Variants in CNTN1 observed in about 807,000 individuals in gnomAD.
CNTN1 encodes the protein contactin-1.
Under a neutral mutation model 126.4 loss-of-function variants are expected in CNTN1, and 38 were observed. The observed-to-expected ratio is 0.30, with a 90% CI of 0.23 to 0.39. The LOEUF (loss-of-function observed/expected upper bound fraction) is 0.39, where lower values mean the gene tolerates loss of function less well. CNTN1 is among the 10% of genes least tolerant of loss of function. CNTN1 has a pLI of 1.00. For missense variants in CNTN1, 1,009 were observed against 1,248.4 expected, an observed-to-expected ratio of 0.81 and a Z score of 2.89; for synonymous variants, 413 against 422.6, an observed-to-expected ratio of 0.98 and a Z score of 0.28.
chr12:40,902,653 C>T (rs1047561061), intron 1 of CNTN1, among the ~76,000 whole-genome samples: 1 of 152,092 alleles, frequency 6.6e-6, no homozygotes, highest in Non-Finnish European at 1.5e-5. Flanking sequence ...GAGATGTTCT[C>T]TGTCAATGTA....
At chr12:40,962,363 A>C (rs1947133832) in intron 15 of CNTN1, among the ~76,000 whole-genome samples, 1 of 152,076 alleles carries the variant, frequency 6.6e-6, no homozygotes, top group Non-Finnish European at 1.5e-5. Flanking sequence ...AGTGTGTTTT[A>C]ATTTATTCCT....
At chr12:40,874,551 A>AT (rs1943608334) in intron 1 of CNTN1, among the ~76,000 whole-genome samples, 1 of 152,100 alleles carries the variant, frequency 6.6e-6, no homozygotes, top group African/African-American at 2.4e-5. Context: ...GACCAACTGC[A>AT]TTTTTTCTGT....
chr12:40,955,974 A>C (rs569039699), intron 14 of CNTN1, among the ~76,000 whole-genome samples: 2 of 152,132 alleles, frequency 1.3e-5, no homozygotes, highest in East Asian at 3.9e-4. Context: ...GGGGCACAGG[A>C]GTTAGGTGCA....
chr12:40,880,127 A>T (rs10879307), intron 1 of CNTN1, among the ~76,000 whole-genome samples: 9 of 152,028 alleles, frequency 5.9e-5, no homozygotes, highest in Non-Finnish European at 1.3e-4. Flanking sequence ...TGTAAATATT[A>T]TATAATAAAA....
chr12:40,899,361 C>T (rs1359455741), intron 1 of CNTN1, among the ~76,000 whole-genome samples: 1 of 152,136 alleles, frequency 6.6e-6, no homozygotes, highest in Non-Finnish European at 1.5e-5. Context: ...TCCAATAAGA[C>T]AGTCTCACAT....
At chr12:41,049,336 T>G (rs1468016220) in intron 23 of CNTN1, among the ~76,000 whole-genome samples, 1 of 152,262 alleles carries the variant, frequency 6.6e-6, no homozygotes, top group Admixed American at 6.5e-5. Context: ...GATTGCTATC[T>G]CCATTCAGAC....
chr12:40,921,002 C>G (rs970329652), intron 4 of CNTN1, among the ~76,000 whole-genome samples: 1 of 152,132 alleles, frequency 6.6e-6, no homozygotes, highest in African/African-American at 2.4e-5. Context: ...AACAAAGAAA[C>G]CCACTGTCTT....
chr12:40,857,052 C>G (rs747877369), intron 1 of CNTN1, among the ~76,000 whole-genome samples: 1 of 151,940 alleles, frequency 6.6e-6, no homozygotes, highest in Non-Finnish European at 1.5e-5. Context: ...TAGATGTCAA[C>G]GTATAATATG....
intron 4 of CNTN1, among the ~76,000 whole-genome samples, chr12:40,921,330 C>T (rs1361515433): frequency 1.3e-5 from 2 of 152,164 alleles, no homozygotes; most frequent in Admixed American, 6.6e-5. Context: ...GATTTGACCA[C>T]AGCTCTAGGC....
chr12:40,772,174 G>T (rs1939363720), intron 1 of CNTN1, among the ~76,000 whole-genome samples: 2 of 151,944 alleles, frequency 1.3e-5, no homozygotes, highest in South Asian at 4.1e-4. Flanking sequence ...ATATGGAATT[G>T]TGAATTATTC....
At position 40,758,088 on chromosome 12, in the gene CNTN1, AG is replaced by A. The variant is rs1461124204; in HGVS notation, c.-77+65497del. Among the ~76,000 whole-genome samples, 17 of 151,268 alleles carry A rather than the reference AG, an allele frequency of 1.1e-4. No individual in the cohort carries two copies. In the East Asian group the frequency reaches 2.1e-3, roughly 19 times the overall value. On this transcript the variant is annotated intron_variant, in intron 1 of 23. Transcript: ENST00000551295. The stretch of plus-strand genomic sequence containing the variant: ...TTCTTACACTTTAATTTGGTGCCTT[AG>A]AGAAAGAAATTTTTTCCACATTGTA...
chr12:40,835,127 T>C (rs2136563015), intron 1 of CNTN1, among the ~76,000 whole-genome samples: 1 of 152,342 alleles, frequency 6.6e-6, no homozygotes, highest in South Asian at 2.1e-4. Flanking sequence ...TGTTTTTGTC[T>C]ATTAAAAATG....
chr12:40,925,300 A>G (rs1945602752), intron 6 of CNTN1, among the ~76,000 whole-genome samples: 1 of 151,894 alleles, frequency 6.6e-6, no homozygotes, highest in African/African-American at 2.4e-5. Context: ...TCTCTTTGAA[A>G]CAATATATAA....
intron 20 of CNTN1, among the ~76,000 whole-genome samples, chr12:41,022,626 G>A (rs1948945633): frequency 6.6e-6 from 1 of 152,166 alleles, no homozygotes; most frequent in African/African-American, 2.4e-5. Flanking sequence ...GGAAGATGAT[G>A]ATGATGTTAA....
chr12:41,060,870 A>G (rs1949925234), intron 23 of CNTN1, among the ~76,000 whole-genome samples: 1 of 152,192 alleles, frequency 6.6e-6, no homozygotes, highest in Non-Finnish European at 1.5e-5. Flanking sequence ...CTCACTAAAT[A>G]CTCACTAAAA....
Position 40,937,626 on chromosome 12 carries a change from T to A in CNTN1, c.1167T>A (p.Tyr389Ter). Residue 389 changes from tyrosine to a stop codon, truncating the protein, a stop_gained, in exon 11 of 24, where the codon TAT becomes TAA. Coordinates refer to ENST00000551295, the MANE Select transcript of CNTN1 (RefSeq NM_001843.4). LOFTEE classifies it high-confidence loss of function. The part of the protein sequence containing the change: ...YDVTFENAGM[Y>*]QCIAENTYGA... Reference sequence around the variant, plus strand: ...TGACTTTTGAAAATGCCGGAATGTATCAGTGCATAGCTGAAAACACATATG... The same window carrying A: ...TGACTTTTGAAAATGCCGGAATGTAACAGTGCATAGCTGAAAACACATATG... 4 of 1,613,322 alleles carry A rather than the reference T, an allele frequency of 2.5e-6. No individual in the cohort carries two copies. The highest frequency in any genetic ancestry group is 3.4e-6 in the Non-Finnish European group (4 of 1,179,416).
intron 1 of CNTN1, among the ~76,000 whole-genome samples, chr12:40,751,361 T>G (rs1938399218): frequency 6.6e-6 from 1 of 152,094 alleles, no homozygotes; most frequent in Admixed American, 6.6e-5. Flanking sequence ...TGCCAGACAC[T>G]ATTCCCAGTA....
chr12:40,877,032 G>T (rs1244836407), intron 1 of CNTN1, among the ~76,000 whole-genome samples: 2 of 152,112 alleles, frequency 1.3e-5, no homozygotes, highest in Non-Finnish European at 2.9e-5. Flanking sequence ...GTTTTGAGCT[G>T]CTCTAAGAAC....
chr12:40,925,595 A>G (rs886176411), intron 6 of CNTN1, among the ~76,000 whole-genome samples: 7 of 145,760 alleles, frequency 4.8e-5, no homozygotes, highest in Admixed American at 4.2e-4. Context: ...ATACATGTAT[A>G]TATATATATA....
Sources: allele counts gnomAD v4.1 joint callset (sites outside exome capture counted in the v4.1 genomes callset), GRCh38; gene constraint gnomAD v4.1.1; transcripts MANE v1.5; gene names NCBI Gene and HGNC (gene_info 2026-07-23, HGNC 2026-07-21).